Variants in SLC33A1 observed in about 807,000 individuals in gnomAD.
SLC33A1 encodes solute carrier family 33 member 1.
Under a neutral mutation model 50.0 loss-of-function variants are expected in SLC33A1, and 20 were observed. The ratio of observed to expected loss-of-function variants is 0.40; its 90% CI spans 0.28 to 0.58. SLC33A1 has a LOEUF of 0.58. SLC33A1 is among the 20% of genes least tolerant of loss of function. The pLI, the probability that SLC33A1 is intolerant of heterozygous loss-of-function variation, is 0.44. For synonymous variants in SLC33A1, 265 were observed against 251.8 expected (o/e 1.05, Z -0.50); for missense variants, 476 against 657.0 (o/e 0.72, Z 3.01).
chr3:155,831,457 CAAAAAA>C (rs397991448), intron 4 of SLC33A1, among the ~76,000 whole-genome samples: 51 of 46,704 alleles, frequency 1.1e-3, no homozygotes, highest in African/African-American at 2.6e-3. Context: ...GACTCTGTCT[CAAAAAA>C]AAAAAAAAAA....
rs1383419219 is a variant in SLC33A1 at position 155,833,950 on chromosome 3, A to G, written c.1055T>C (p.Met352Thr). 1 of 1,613,728 alleles carries G rather than the reference A, an allele frequency of 6.2e-7. No individual in the cohort carries two copies. The highest frequency in any genetic ancestry group is 8.5e-7 in the Non-Finnish European group (1 of 1,179,652). Residue 352 changes from methionine (M) to threonine (T), a missense_variant, in exon 3 of 6, where the codon ATG becomes ACG. Met to Thr is a moderately conservative substitution (Grantham distance 81). Coordinates refer to ENST00000643144, the MANE Select transcript of SLC33A1 (RefSeq NM_004733.4). Reference protein sequence around the residue: ...KEHLALLAVPMVPLQIILPLI... With the variant: ...KEHLALLAVPTVPLQIILPLI... ...AGGCAGTATTATCTGCAAAGGAACC[A>G]TTGGAACTGCCAATAAGGCTAAATG... is the stretch of plus-strand genomic sequence containing the variant.
chr3:155,848,491 G>T (rs780523870), intron 1 of SLC33A1, among the ~76,000 whole-genome samples: 9 of 152,144 alleles, frequency 5.9e-5, no homozygotes, highest in Non-Finnish European at 1.2e-4. Context: ...GACCATCCTG[G>T]CTAACATGGT....
chr3:155,834,163 A>C, intron 2 of SLC33A1, 122 bp from the exon 3 acceptor site: 2 of 724,568 alleles, frequency 2.8e-6, no homozygotes, highest in Admixed American at 2.1e-5. Flanking sequence ...ACAAGTGAGC[A>C]TCATATTATT....
At chr3:155,850,981 C>T (rs951903559) in intron 1 of SLC33A1, among the ~76,000 whole-genome samples, 26 of 151,438 alleles carry the variant, frequency 1.7e-4, no homozygotes, top group African/African-American at 4.8e-4. Flanking sequence ...CAGTGGCTTA[C>T]GCCTGTAATC....
At chr3:155,836,306 AAAAAAAAG>A (rs1752668198) in intron 2 of SLC33A1, among the ~76,000 whole-genome samples, 3 of 143,380 alleles carry the variant, frequency 2.1e-5, no homozygotes, top group Non-Finnish European at 3.0e-5. Flanking sequence ...AAAAAAAAAA[AAAAAAAAG>A]GAAAGAAAGA....
intron 4 of SLC33A1, among the ~76,000 whole-genome samples, chr3:155,831,618 C>T (rs1178060220): frequency 1.3e-5 from 2 of 151,970 alleles, no homozygotes; most frequent in Non-Finnish European, 2.9e-5. Flanking sequence ...TCAGTGATTA[C>T]ACTTCAGGAA....
chr3:155,845,749 A>G (rs751138021), intron 1 of SLC33A1, among the ~76,000 whole-genome samples: 14 of 152,224 alleles, frequency 9.2e-5, no homozygotes, highest in Non-Finnish European at 1.5e-4. Flanking sequence ...CTTTGATGCT[A>G]GAGACATCCA....
intron 5 of SLC33A1, among the ~76,000 whole-genome samples, chr3:155,828,864 A>G (rs1752293017): frequency 6.6e-6 from 1 of 150,662 alleles, no homozygotes; most frequent in Non-Finnish European, 1.5e-5. Flanking sequence ...TGCTGGAATT[A>G]CGGGTGTGAG....
chr3:155,847,751 AAAATAAATAAAT>A lies in SLC33A1; in HGVS notation c.776-5144_776-5133del, dbSNP rs10652179. On this transcript the variant is annotated intron_variant, in intron 1 of 5. Transcript: ENST00000643144. The stretch of plus-strand genomic sequence containing the variant: ...TGACAAGTGCAAAACTCCGTCTCAA[AAAATAAATAAAT>A]AAATAAATAAATAAATAAATAAAGC... Among the ~76,000 whole-genome samples the A allele has an allele frequency of 3.6e-3, 534 of 149,192 alleles. 8 individuals are homozygous for A. Among genetic ancestry groups the A allele is most frequent in the African/African-American group, 0.011 (438 of 39,678 alleles).
Position 155,825,987 on chromosome 3 carries a change from A to C in SLC33A1, c.*2223T>G, listed in dbSNP as rs1176839798. 1 of 152,254 alleles carries C rather than the reference A, an allele frequency of 6.6e-6. No individual in the cohort carries two copies. The highest frequency in any genetic ancestry group is 2.4e-5 in the African/African-American group (1 of 41,470). 9.4% of individuals were successfully genotyped at this position (152,254 alleles called of 1,614,324 possible). A position where few individuals can be genotyped will look rare whatever the true frequency, so the allele number is the denominator to read the frequency against. On this transcript the variant is annotated 3_prime_UTR_variant, in exon 6 of 6. Transcript: ENST00000643144. ...TTACATACATGTATTCAAATTAACT[A>C]TAATTTTTTGTGCTTATTTCTAGAG...
At position 155,824,335 on chromosome 3, in the gene SLC33A1, C is replaced by T. The variant is rs1752154891; in HGVS notation, c.*3875G>A. On this transcript the variant is annotated 3_prime_UTR_variant, in exon 6 of 6. Coordinates refer to ENST00000643144, the MANE Select transcript of SLC33A1 (RefSeq NM_004733.4). ...TGGAACCACAGAATTCTCCAAAATA[C>T]AAAAATTAAATTTTCAGCTTTTATA... is the stretch of plus-strand genomic sequence containing the variant. The T allele has an allele frequency of 6.6e-6, 1 of 152,036 alleles. No homozygotes were observed. Among genetic ancestry groups the T allele is most frequent in the Admixed American group, 6.5e-5 (1 of 15,268 alleles). 9.4% of individuals were successfully genotyped at this position (152,036 alleles called of 1,614,324 possible).
intron 2 of SLC33A1, among the ~76,000 whole-genome samples, chr3:155,838,708 G>T (rs1182479517): frequency 6.6e-6 from 1 of 151,508 alleles, no homozygotes; most frequent in African/African-American, 2.4e-5. Context: ...AAATTAGCTG[G>T]GTGAGGTGGC....
At chr3:155,844,457 ATTTTTTTTTTTTTTTTTT>A (rs869180951) in intron 1 of SLC33A1, among the ~76,000 whole-genome samples, 12 of 33,580 alleles carry the variant, frequency 3.6e-4, no homozygotes, top group African/African-American at 1.1e-3. Context: ...ATATATATAT[ATTTTTTTTTTTTTTTTTT>A]TTTTTTTTTT....
At chr3:155,842,332 G>C in intron 2 of SLC33A1, 100 bp downstream of exon 2, 1 of 682,424 alleles carries the variant, frequency 1.5e-6, no homozygotes. Context: ...AAATTCTAAT[G>C]GTAGTGGAAA....
rs2107989769 is a variant in SLC33A1, at chr3:155,844,758, A to G, written c.776-2139T>C. The stretch of plus-strand genomic sequence containing the variant: ...GCCAGGATCACGGGTGTGAGCCACC[A>G]CGCCCAGTATAAAATAACATCTTAA... On this transcript the variant is annotated intron_variant, in intron 1 of 5. Coordinates refer to ENST00000643144, the MANE Select transcript of SLC33A1 (RefSeq NM_004733.4). The G allele has an allele frequency of 1.3e-5, 2 of 151,970 alleles. 1 individual carries two copies. The highest frequency in any genetic ancestry group is 4.2e-4 in the South Asian group (2 of 4,806). 9.4% of individuals were successfully genotyped at this position (151,970 alleles called of 1,614,324 possible). A position where few individuals can be genotyped will look rare whatever the true frequency, so the allele number is the denominator to read the frequency against.
intron 1 of SLC33A1, among the ~76,000 whole-genome samples, chr3:155,848,698 G>C (rs1448550099): frequency 1.3e-5 from 2 of 151,846 alleles, no homozygotes; most frequent in African/African-American, 4.8e-5. Context: ...AACAAAAAAA[G>C]AAGATCTAGC....
At chr3:155,837,873 A>G (rs1181300279) in intron 2 of SLC33A1, among the ~76,000 whole-genome samples, 1 of 152,254 alleles carries the variant, frequency 6.6e-6, no homozygotes, top group Non-Finnish European at 1.5e-5. Context: ...GTTTAAAAGA[A>G]GAAAACAGTA....
intron 2 of SLC33A1, among the ~76,000 whole-genome samples, chr3:155,840,612 C>G (rs1752893356): frequency 6.6e-6 from 1 of 151,724 alleles, no homozygotes; most frequent in African/African-American, 2.4e-5. Context: ...GTCAGGAGTT[C>G]AAGACCAGCC....
In SLC33A1 at chr3:155,821,272, T is replaced by C. The variant is rs1356574665; in HGVS notation, c.*6938A>G. The C allele has an allele frequency of 6.6e-6, 1 of 152,222 alleles. No homozygotes were observed. Among genetic ancestry groups the C allele is most frequent in the Non-Finnish European group, 1.5e-5 (1 of 68,044 alleles). The allele number at this position is 152,222 out of a possible 1,614,324, so 9.4% of individuals were successfully genotyped here. A position where few individuals can be genotyped will look rare whatever the true frequency, so the allele number is the denominator to read the frequency against. On this transcript the variant is annotated 3_prime_UTR_variant, in exon 6 of 6. Coordinates refer to ENST00000643144, the MANE Select transcript of SLC33A1 (RefSeq NM_004733.4). ...AAAAGTGGTAACAGAAATGATTGTG[T>C]GCTGTGTATCTCTAATTCAAACTTG... is the stretch of plus-strand genomic sequence containing the variant.
Sources: gnomAD v4.1 joint callset for allele counts (sites outside exome capture counted in the v4.1 genomes callset) on GRCh38, gnomAD v4.1.1 for gene constraint, MANE v1.5 for transcripts, NCBI Gene and HGNC (gene_info 2026-07-23, HGNC 2026-07-21) for gene names.